TRIP11: variants seen among roughly 807,000 people sequenced by gnomAD.
The protein encoded by TRIP11 is thyroid hormone receptor interactor 11.
Under a neutral mutation model 223.1 loss-of-function variants are expected in TRIP11, and 148 were observed. The ratio of observed to expected loss-of-function variants is 0.66; its 90% CI spans 0.58 to 0.76. TRIP11 has a LOEUF of 0.76. TRIP11 is among the 30% of genes least tolerant of loss of function. The pLI is 0.00. For synonymous variants in TRIP11, 762 were observed against 772.6 expected (o/e 0.99, Z 0.23); for missense variants, 2,043 against 2,222.0 (o/e 0.92, Z 1.62).
intron 7 of TRIP11, among the ~76,000 whole-genome samples, chr14:92,013,069 T>C (rs551023327): frequency 2.9e-4 from 44 of 152,056 alleles, no homozygotes; most frequent in Admixed American, 5.9e-4. Flanking sequence ...GAGATCGAGA[T>C]CATCCTGGCC....
chr14:91,976,504 T>C (rs2140084601), intron 16 of TRIP11, among the ~76,000 whole-genome samples: 1 of 152,352 alleles, frequency 6.6e-6, no homozygotes, highest in East Asian at 1.9e-4. Context: ...GAGATTTTCA[T>C]CACTGCCTCC....
intron 1 of TRIP11, 81 bp from the exon 2 acceptor site, chr14:92,033,334 T>C: frequency 8.9e-7 from 1 of 1,120,406 alleles, no homozygotes; most frequent in East Asian, 2.4e-5. Flanking sequence ...AAAATATATT[T>C]CACTGAGTTT....
rs74073652 is a variant in TRIP11 at position 91,995,262 on chromosome 14, C to T, written c.5056+90G>A. 1.2e-3 allele frequency: 1,815 copies of T among 1,507,318 alleles called. 24 individuals are homozygous for T. In the African/African-American group the frequency reaches 0.022, roughly 18 times the overall value. The allele number at this position is 1,507,318 out of a possible 1,614,324, so 93.4% of individuals were successfully genotyped here. On this transcript the variant is annotated intron_variant, in intron 14 of 20. Coordinates refer to ENST00000267622, the MANE Select transcript of TRIP11 (RefSeq NM_004239.4). ...CAGTGGGTAACCTTTCAGAGATTTC[C>T]CCGTGCCTCATCTAAAATAGCTCTC...
rs2057286620 is a variant in TRIP11, at chr14:92,033,118, G to A, written c.201+74C>T. The A allele has an allele frequency of 1.2e-5, 14 of 1,127,812 alleles. 1 individual carries two copies. The South Asian group carries it at 1.8e-4, about 14-fold the overall frequency. The allele number at this position is 1,127,812 out of a possible 1,614,324, so 69.9% of individuals were successfully genotyped here. ...GCTAAGCAGTACATTTAAAAAGAAA[G>A]GATCAAAGTAATGTTTGAGTAACCT... is the stretch of plus-strand genomic sequence containing the variant. On this transcript the variant is annotated intron_variant, in intron 2 of 20. Coordinates refer to ENST00000267622, the MANE Select transcript of TRIP11 (RefSeq NM_004239.4).
intron 2 of TRIP11, among the ~76,000 whole-genome samples, 173 bp downstream of exon 2, chr14:92,033,019 A>G (rs1040278584): frequency 6.6e-6 from 1 of 152,142 alleles, no homozygotes; most frequent in African/African-American, 2.4e-5. Flanking sequence ...TAACAGGTAA[A>G]TATATTTTTC....
intron 1 of TRIP11, 92 bp downstream of exon 1, chr14:92,039,455 C>T (rs1278795585): frequency 7.1e-7 from 1 of 1,405,108 alleles, no homozygotes; most frequent in Admixed American, 1.9e-5. Context: ...CCTTTGCGAC[C>T]TGTCCGCGTC....
Position 92,004,676 on chromosome 14 carries a change from C to G in TRIP11, c.3300G>C (p.Lys1100Asn). The change falls in exon 11 of 21, where the codon AAG becomes AAC. Residue 1100 changes from lysine to asparagine, a missense_variant. Coordinates refer to ENST00000267622, the MANE Select transcript of TRIP11 (RefSeq NM_004239.4). ...QLQAYAMERE[K>N]VFAVLNEKTR... ...TCTTCTCATTCAAAACAGCAAATAC[C>G]TTTTCTCTTTCCATAGCATAAGCCT... 7.4e-6 allele frequency: 12 copies of G among 1,614,062 alleles called. No homozygotes were observed. Among genetic ancestry groups the G allele is most frequent in the Non-Finnish European group, 1.0e-5 (12 of 1,179,996 alleles).
In TRIP11 at chr14:91,978,490, T is replaced by TTATA. The variant is rs2056496048; in HGVS notation, c.5261-2305_5261-2302dup. Among the ~76,000 whole-genome samples the TTATA allele has an allele frequency of 6.6e-6, 1 of 152,116 alleles. No individual in the cohort carries two copies. The highest frequency in any genetic ancestry group is 6.6e-5 in the Admixed American group (1 of 15,264). On this transcript the variant is annotated intron_variant, in intron 16 of 20. Coordinates refer to ENST00000267622, the MANE Select transcript of TRIP11 (RefSeq NM_004239.4). This position sits in a 1 kb window ranked among gnomAD's most constrained non-coding sequence, Gnocchi z 4.4. ...TATATAATAATTTGGTTATACTGGG[T>TTATA]TATATATAAAATATATATGTGTGTA...
intron 6 of TRIP11, among the ~76,000 whole-genome samples, chr14:92,015,489 T>A (rs2057024120): frequency 1.3e-5 from 2 of 151,720 alleles, no homozygotes; most frequent in African/African-American, 4.8e-5. Flanking sequence ...CGAAACCCTA[T>A]TGCTACTAAA....
intron 3 of TRIP11, among the ~76,000 whole-genome samples, chr14:92,023,240 T>A (rs1320625107): frequency 6.6e-6 from 1 of 152,222 alleles, no homozygotes; most frequent in East Asian, 1.9e-4. Flanking sequence ...GTGGAGCTTT[T>A]GAAAATGACC....
At chr14:92,001,372 T>A (rs1239505241) in intron 11 of TRIP11, among the ~76,000 whole-genome samples, 1 of 139,712 alleles carries the variant, frequency 7.2e-6, no homozygotes, top group African/African-American at 2.7e-5. Flanking sequence ...CAAATAGTTT[T>A]TCAGTTTTTT....
chr14:91,995,220 T>A, intron 14 of TRIP11, 132 bp downstream of exon 14: 1 of 1,006,194 alleles, frequency 9.9e-7, no homozygotes, highest in Non-Finnish European at 1.5e-6. Context: ...TGATGGCTAC[T>A]CACCCTTCCC....
intron 4 of TRIP11, among the ~76,000 whole-genome samples, chr14:92,020,486 T>C (rs1043421005): frequency 6.6e-6 from 1 of 152,046 alleles, no homozygotes; most frequent in East Asian, 1.9e-4. Flanking sequence ...AATTACCAGA[T>C]TTTCATTTTA....
rs2056339626 is a variant in TRIP11, at chr14:91,966,038, A to G, written c.*3635T>C. The stretch of plus-strand genomic sequence containing the variant: ...TTGTGACTGAAGACATTGCCAACTT[A>G]CATATATCATTTTTATTTGGAGTAT... On this transcript the variant is annotated 3_prime_UTR_variant, in exon 21 of 21. Transcript: ENST00000267622. The G allele has an allele frequency of 5.9e-6, 1 of 169,312 alleles. No individual in the cohort carries two copies. Among genetic ancestry groups the G allele is most frequent in the East Asian group, 1.1e-4 (1 of 8,980 alleles). The allele number at this position is 169,312 out of a possible 1,614,324, so 10.5% of individuals were successfully genotyped here.
chr14:92,032,755 C>T (rs149180861), intron 2 of TRIP11, among the ~76,000 whole-genome samples: 2,531 of 151,726 alleles, frequency 0.017, 62 homozygotes, highest in African/African-American at 0.05. Flanking sequence ...ATTGCTTGAA[C>T]CCAGGAGGTG....
chr14:92,005,787 T>C lies in TRIP11; in HGVS notation c.2189A>G (p.Lys730Arg), dbSNP rs2056893267. ...CTTGTTTGCTTCTTCCAACAGCCTC[T>C]TTTTAGCCCAACACAATTCTGCCTC... The part of the protein sequence containing the change: ...EIEAELCWAK[K>R]RLLEEANKYE... Residue 730 changes from lysine (K) to arginine (R), a missense_variant, in exon 11 of 21, where the codon AAG becomes AGG. Coordinates refer to ENST00000267622, the MANE Select transcript of TRIP11 (RefSeq NM_004239.4). 1.2e-6 allele frequency: 2 copies of C among 1,614,086 alleles called. No individual in the cohort carries two copies. The highest frequency in any genetic ancestry group is 1.7e-5 in the Admixed American group (1 of 60,024).
Position 92,039,534 on chromosome 14 carries a change from C to T in TRIP11, c.139+13G>A, listed in dbSNP as rs1437008674. On this transcript the variant is annotated intron_variant, in intron 1 of 20. Coordinates refer to ENST00000267622, the MANE Select transcript of TRIP11 (RefSeq NM_004239.4). ...CTTAGAAAAGCCCTCCCTTCCCTCG[C>T]TCCAGCTGTTACCTTCCACTTCCTC... The T allele has an allele frequency of 3.7e-6, 6 of 1,613,252 alleles. No homozygotes were observed. The highest frequency in any genetic ancestry group is 5.1e-6 in the Non-Finnish European group (6 of 1,179,840).
intron 9 of TRIP11, among the ~76,000 whole-genome samples, chr14:92,008,168 C>T (rs890999318): frequency 3.9e-5 from 6 of 152,138 alleles, no homozygotes; most frequent in Non-Finnish European, 7.3e-5. Context: ...CCTGCTCCAC[C>T]GTGGCTACCC....
intron 5 of TRIP11, among the ~76,000 whole-genome samples, chr14:92,017,299 T>G (rs183539340): frequency 6.6e-6 from 1 of 152,286 alleles, no homozygotes; most frequent in Admixed American, 6.5e-5. Flanking sequence ...CCCAGCGTTG[T>G]GGGAGGCTGA....
Sources: gnomAD v4.1 joint callset for allele counts (sites outside exome capture counted in the v4.1 genomes callset) on GRCh38, gnomAD v4.1.1 for gene constraint, Gnocchi (gnomAD v3.1) non-coding constraint, MANE v1.5 for transcripts, NCBI Gene and HGNC (gene_info 2026-07-23, HGNC 2026-07-21) for gene names.